Variants in MED1 observed in about 807,000 individuals in gnomAD.
MED1 encodes the protein mediator of RNA polymerase II transcription subunit 1.
In MED1, 17 loss-of-function variants were observed where a neutral mutation model predicts 121.3. The observed-to-expected ratio is 0.14, with a 90% confidence interval of 0.10 to 0.21. The LOEUF (loss-of-function observed/expected upper bound fraction) is 0.21. Ranked by LOEUF, MED1 falls within the 10% of genes least tolerant of loss-of-function variation. The pLI is 1.00. For missense variants in MED1, 1,558 were observed against 1,919.4 expected, an observed-to-expected ratio of 0.81 and a Z score of 3.52; for synonymous variants, 661 against 694.4, an observed-to-expected ratio of 0.95 and a Z score of 0.76.
intron 2 of MED1, among the ~76,000 whole-genome samples, chr17:39,446,639 T>C (rs548408415): frequency 5.3e-5 from 8 of 151,562 alleles, no homozygotes; most frequent in Non-Finnish European, 7.4e-5. Context: ...CCAGGCGTGG[T>C]GGCGTGTGCC....
chr17:39,432,064 C>T, intron 7 of MED1, 48 bp from the exon 8 acceptor site: 1 of 1,418,224 alleles, frequency 7.1e-7, no homozygotes. Flanking sequence ...AAAAATATGA[C>T]CAAGCGGGGT....
chr17:39,405,458 A>C lies in MED1; in HGVS notation c.*2017T>G. The C allele has an allele frequency of 1.4e-6, 2 of 1,399,238 alleles. No individual in the cohort carries two copies. The highest frequency in any genetic ancestry group is 1.9e-6 in the Non-Finnish European group (2 of 1,073,736). 86.7% of individuals were successfully genotyped at this position (1,399,238 alleles called of 1,614,324 possible). A position where few individuals can be genotyped will look rare whatever the true frequency, so the allele number is the denominator to read the frequency against. On this transcript the variant is annotated 3_prime_UTR_variant, in exon 17 of 17. Transcript: ENST00000300651. ...CAGAACAAATTTTAAAAACCACATA[A>C]ATTTTTTTTTTTTTCCTGCAGAAAC...
rs1450159950 is a variant in MED1 at position 39,408,409 on chromosome 17, G to A, written c.3812C>T (p.Ser1271Phe). The stretch of plus-strand genomic sequence containing the variant: ...GGAAGAGCCACTTGAGGAAAAGGAG[G>A]AGGAAGATGCCGTACAGGAATTAGA... Reference protein sequence around the residue: ...PSSNSCTASSSSFSSSGSSMS... With the variant: ...PSSNSCTASSFSFSSSGSSMS... The change falls in exon 17 of 17, where the codon TCC becomes TTC. Residue 1271 changes from serine to phenylalanine, a missense_variant. By Grantham distance (155) the Ser-to-Phe change is radical (BLOSUM62 -2). Transcript: ENST00000300651. This position sits in a 1 kb window ranked among gnomAD's most constrained non-coding sequence, Gnocchi z 4.7. 6.2e-7 allele frequency: 1 copy of A among 1,614,196 alleles called. No individual in the cohort carries two copies. The highest frequency in any genetic ancestry group is 2.2e-5 in the East Asian group (1 of 44,884).
chr17:39,422,775 A>G (rs1271864260), intron 13 of MED1, among the ~76,000 whole-genome samples: 1 of 150,150 alleles, frequency 6.7e-6, no homozygotes, highest in Non-Finnish European at 1.5e-5. Context: ...GCACCTGGCC[A>G]ATCACCCAAA....
chr17:39,423,516 A>G, intron 12 of MED1, 71 bp from the exon 13 acceptor site: 1 of 1,428,552 alleles, frequency 7.0e-7, no homozygotes, highest in East Asian at 2.3e-5. Flanking sequence ...TCCCCTTGAT[A>G]TCTACATTCA....
chr17:39,411,560 C>T (rs115232100), intron 16 of MED1, among the ~76,000 whole-genome samples: 3,979 of 152,112 alleles, frequency 0.026, 163 homozygotes, highest in African/African-American at 0.089. Flanking sequence ...AGGCAGAGAT[C>T]GCAGCGAGCC....
intron 1 of MED1, among the ~76,000 whole-genome samples, chr17:39,448,126 T>A (rs962482141): frequency 6.6e-6 from 1 of 151,292 alleles, no homozygotes; most frequent in Non-Finnish European, 1.5e-5. Context: ...TGGACTGTTA[T>A]CTATCCACCT....
intron 2 of MED1, among the ~76,000 whole-genome samples, chr17:39,446,801 C>T (rs1183753117): frequency 6.6e-6 from 1 of 151,178 alleles, no homozygotes; most frequent in Non-Finnish European, 1.5e-5. Flanking sequence ...ACTAGCTGGA[C>T]ATGGTTACAT....
chr17:39,439,315 G>T, intron 5 of MED1, 122 bp from the exon 6 acceptor site: 1 of 658,604 alleles, frequency 1.5e-6, no homozygotes, highest in Non-Finnish European at 2.5e-6. Flanking sequence ...ACTACAGATG[G>T]TCCTCATATT....
In MED1 at chr17:39,447,806, G is replaced by C; in HGVS notation, c.124C>G (p.Gln42Glu). 2 of 1,611,108 alleles carry C rather than the reference G, an allele frequency of 1.2e-6. No homozygotes were observed. The highest frequency in any genetic ancestry group is 1.7e-6 in the Non-Finnish European group (2 of 1,177,742). The change falls in exon 2 of 17, where the codon CAA becomes GAA. Residue 42 changes from glutamine (Q) to glutamate (E), a missense_variant. Gln to Glu is a conservative substitution (Grantham distance 29). Coordinates refer to ENST00000300651, the MANE Select transcript of MED1 (RefSeq NM_004774.4). Reference protein sequence around the residue: ...PWSETIKLVRQVMEKRVVMSS... With the variant: ...PWSETIKLVREVMEKRVVMSS... ...TTCACCACAATCCTTACCATGACTT[G>C]ACGCACAAGCTTAATGGTTTCACTC... is the stretch of plus-strand genomic sequence containing the variant.
intron 16 of MED1, among the ~76,000 whole-genome samples, chr17:39,413,144 G>C (rs142291167): frequency 6.6e-6 from 1 of 151,900 alleles, no homozygotes; most frequent in East Asian, 2.0e-4. Flanking sequence ...GCACAATCTC[G>C]GCTCACTGCA....
At chr17:39,427,573 G>A (rs189702922) in intron 10 of MED1, 128 bp downstream of exon 10, 10 of 625,678 alleles carry the variant, frequency 1.6e-5, no homozygotes, top group Admixed American at 1.4e-4. Context: ...ATATACGTGT[G>A]TGAGGTGTTG....
In MED1 at chr17:39,405,456, T is replaced by A; in HGVS notation, c.*2019A>T. 1.4e-6 allele frequency: 2 copies of A among 1,391,028 alleles called. No homozygotes were observed. The highest frequency in any genetic ancestry group is 1.9e-6 in the Non-Finnish European group (2 of 1,069,554). The allele number at this position is 1,391,028 out of a possible 1,614,324, so 86.2% of individuals were successfully genotyped here. On this transcript the variant is annotated 3_prime_UTR_variant, in exon 17 of 17. Transcript: ENST00000300651. Reference sequence around the variant, plus strand: ...CTCAGAACAAATTTTAAAAACCACATAAATTTTTTTTTTTTTCCTGCAGAA... The same window carrying A: ...CTCAGAACAAATTTTAAAAACCACAAAAATTTTTTTTTTTTTCCTGCAGAA...
chr17:39,415,971 C>T (rs111367592), intron 14 of MED1, among the ~76,000 whole-genome samples: 3 of 144,310 alleles, frequency 2.1e-5, no homozygotes, highest in African/African-American at 7.7e-5. Flanking sequence ...GCCTGGGAAA[C>T]AGAGCAACAC....
intron 6 of MED1, among the ~76,000 whole-genome samples, chr17:39,438,165 T>A (rs979099119): frequency 1.3e-5 from 2 of 149,958 alleles, no homozygotes; most frequent in African/African-American, 4.9e-5. Flanking sequence ...TGGCGAAACC[T>A]CGTCTCTATT....
intron 3 of MED1, among the ~76,000 whole-genome samples, chr17:39,442,165 C>G (rs986129108): frequency 6.6e-6 from 1 of 150,892 alleles, no homozygotes; most frequent in African/African-American, 2.4e-5. Context: ...ACAGTAAAAT[C>G]TGTTTTTACT....
intron 16 of MED1, among the ~76,000 whole-genome samples, chr17:39,413,919 A>G (rs2048379684): frequency 6.7e-6 from 1 of 148,292 alleles, no homozygotes; most frequent in Non-Finnish European, 1.5e-5. Context: ...CATTAAAAAA[A>G]AAAAAAAAAA....
intron 9 of MED1, among the ~76,000 whole-genome samples, chr17:39,429,763 A>G (rs1044434520): frequency 2.0e-5 from 3 of 148,570 alleles, no homozygotes; most frequent in Non-Finnish European, 4.5e-5. Flanking sequence ...AATATCTGGC[A>G]ATTTTCTCCC....
rs944393567 is a variant in MED1, at chr17:39,406,347, C to T, written c.*1128G>A. 1.0e-6 allele frequency: 1 copy of T among 985,456 alleles called. No homozygotes were observed. 61.0% of individuals were successfully genotyped at this position (985,456 alleles called of 1,614,324 possible). On this transcript the variant is annotated 3_prime_UTR_variant, in exon 17 of 17. Coordinates refer to ENST00000300651, the MANE Select transcript of MED1 (RefSeq NM_004774.4). ...GTGATTAAAGTTTGGACTCCTTCTC[C>T]TTGTGATGAAGAGAAACAGTGAGTC... is the stretch of plus-strand genomic sequence containing the variant.
Sources: gnomAD v4.1 joint callset for allele counts (sites outside exome capture counted in the v4.1 genomes callset) on GRCh38, gnomAD v4.1.1 for gene constraint, Gnocchi (gnomAD v3.1) non-coding constraint, MANE v1.5 for transcripts, NCBI Gene and HGNC (gene_info 2026-07-23, HGNC 2026-07-21) for gene names.